The following B3GLCT variants were observed in gnomAD, a reference collection of about 807,000 sequenced individuals.
B3GLCT encodes beta-1,3-glucosyltransferase.
B3GLCT carries 65 observed loss-of-function variants against 63.4 expected under a neutral mutation model. The ratio of observed to expected loss-of-function variants is 1.03; its 90% CI spans 0.84 to 1.26. The LOEUF (loss-of-function observed/expected upper bound fraction) is 1.26, where lower values mean the gene tolerates loss of function less well. B3GLCT is among the 50% of genes most tolerant of loss of function. The probability of loss-of-function intolerance (pLI) is 0.00; values close to 1 mark genes in which losing one functional copy is unlikely to be tolerated. For missense variants in B3GLCT, 577 were observed against 604.8 expected, an observed-to-expected ratio of 0.95 and a Z score of 0.48; for synonymous variants, 233 against 219.2, an observed-to-expected ratio of 1.06 and a Z score of -0.55.
At chr13:31,295,699 C>A (rs1873901184) in intron 12 of B3GLCT, among the ~76,000 whole-genome samples, 1 of 152,230 alleles carries the variant, frequency 6.6e-6, no homozygotes, top group Non-Finnish European at 1.5e-5. Context: ...GGACTTCAGA[C>A]TGCTGTGCTG....
intron 4 of B3GLCT, among the ~76,000 whole-genome samples, chr13:31,245,274 C>A (rs1566059869): frequency 6.6e-6 from 1 of 151,982 alleles, no homozygotes; most frequent in Non-Finnish European, 1.5e-5. Flanking sequence ...TCAAAGGAAG[C>A]CTTTTCTCAG....
At chr13:31,205,927 C>T (rs1868927065) in intron 1 of B3GLCT, among the ~76,000 whole-genome samples, 2 of 152,124 alleles carry the variant, frequency 1.3e-5, no homozygotes, top group African/African-American at 4.8e-5. Context: ...TATAGCAGTG[C>T]CATTTCCTCC....
chr13:31,318,402 C>T (rs1325864207), intron 13 of B3GLCT, among the ~76,000 whole-genome samples: 1 of 152,136 alleles, frequency 6.6e-6, no homozygotes, highest in African/African-American at 2.4e-5. Context: ...ACCTTTAATT[C>T]CTACTTTGCA....
At chr13:31,222,162 T>C (rs1450190799) in intron 2 of B3GLCT, among the ~76,000 whole-genome samples, 2 of 144,932 alleles carry the variant, frequency 1.4e-5, no homozygotes, top group Non-Finnish European at 3.0e-5. Context: ...CACTGCAACC[T>C]CCGCCTCCTG....
In B3GLCT at chr13:31,324,493, G is replaced by C. The variant is rs549073018; in HGVS notation, c.1329+598G>C. Among the ~76,000 whole-genome samples the C allele has an allele frequency of 2.6e-5, 4 of 152,252 alleles. No individual in the cohort carries two copies. In the East Asian group the frequency reaches 7.7e-4, roughly 29 times the overall value. ...CTCCCCATATTGCAGTTTGGGGGTTGGAGAAGGAAATCCTCCTGCATTATG... is the reference window on the plus strand; with the variant it reads ...CTCCCCATATTGCAGTTTGGGGGTTCGAGAAGGAAATCCTCCTGCATTATG... On this transcript the variant is annotated intron_variant, in intron 14 of 14. Coordinates refer to ENST00000343307, the MANE Select transcript of B3GLCT (RefSeq NM_194318.4).
chr13:31,251,379 C>T (rs1284745806), intron 6 of B3GLCT, among the ~76,000 whole-genome samples: 2 of 152,096 alleles, frequency 1.3e-5, no homozygotes, highest in Non-Finnish European at 2.9e-5. Context: ...GACGAATTGA[C>T]AGAAGTAGGC....
In B3GLCT at chr13:31,218,254, A is replaced by G. The variant is rs1309637277; in HGVS notation, c.120+3154A>G. On this transcript the variant is annotated intron_variant, in intron 2 of 14. Transcript: ENST00000343307. ...ACCCAGGCTAGCATGCAGTGGCGTGATCTCAGCTCACTACAACCTCCGCCT... is the reference window on the plus strand; with the variant it reads ...ACCCAGGCTAGCATGCAGTGGCGTGGTCTCAGCTCACTACAACCTCCGCCT... Among the ~76,000 whole-genome samples the G allele has an allele frequency of 2.9e-5, 4 of 138,886 alleles. No individual in the cohort carries two copies. In the Admixed American group the frequency reaches 3.1e-4, roughly 11 times the overall value. The allele number at this position is 138,886 out of a possible 152,430, so 91.1% of individuals were successfully genotyped here.
At position 31,274,615 on chromosome 13, in the gene B3GLCT, T is replaced by G; in HGVS notation, c.767T>G (p.Phe256Cys). ...DFYCATTFHS[F>C]LPLCRKPVKK... ...TACTGTGCTACCACATTCCATTCTT[T>G]TCTACCGCTTTGTGTGAGTAACAGA... is the stretch of plus-strand genomic sequence containing the variant. Residue 256 changes from phenylalanine to cysteine, a missense_variant, in exon 9 of 15, where the codon TTT (phenylalanine) becomes TGT (cysteine). By Grantham distance (205) the Phe-to-Cys change is radical. Coordinates refer to ENST00000343307, the MANE Select transcript of B3GLCT (RefSeq NM_194318.4). 2 of 1,614,248 alleles carry G rather than the reference T, an allele frequency of 1.2e-6. No homozygotes were observed. Among genetic ancestry groups the G allele is most frequent in the Non-Finnish European group, 8.5e-7 (1 of 1,180,040 alleles).
At chr13:31,311,338 A>G (rs1008704244) in intron 12 of B3GLCT, 4 of 152,328 alleles carry the variant, frequency 2.6e-5, no homozygotes, top group Non-Finnish European at 5.9e-5. Flanking sequence ...GCTCAATTCT[A>G]AACTGGAGAA....
intron 7 of B3GLCT, among the ~76,000 whole-genome samples, chr13:31,264,351 C>T (rs895691482): frequency 3.3e-5 from 5 of 152,218 alleles, no homozygotes; most frequent in African/African-American, 9.6e-5. Context: ...AGTGAGGCAC[C>T]AGATAGCCTT....
intron 4 of B3GLCT, among the ~76,000 whole-genome samples, chr13:31,235,532 C>A (rs1266420372): frequency 6.6e-6 from 1 of 151,962 alleles, no homozygotes; most frequent in African/African-American, 2.4e-5. Flanking sequence ...GTCAAATTGC[C>A]ATCAGTAATG....
At chr13:31,264,335 T>C (rs1872188205) in intron 7 of B3GLCT, among the ~76,000 whole-genome samples, 1 of 152,154 alleles carries the variant, frequency 6.6e-6, no homozygotes, top group Admixed American at 6.5e-5. Context: ...TCCAGTATGA[T>C]AGAGGAGTGA....
intron 2 of B3GLCT, among the ~76,000 whole-genome samples, chr13:31,215,914 C>T (rs1389282116): frequency 1.3e-5 from 2 of 152,142 alleles, no homozygotes; most frequent in Non-Finnish European, 2.9e-5. Flanking sequence ...GGCCAGGGGA[C>T]TCGCAGAGAG....
chr13:31,329,742 C>A lies in B3GLCT; in HGVS notation c.*74C>A. ...TGTGGCCTCATCCCACTGTGCTGTGCTCACAACACTTGTGTCTGCCACATG... is the reference window on the plus strand; with the variant it reads ...TGTGGCCTCATCCCACTGTGCTGTGATCACAACACTTGTGTCTGCCACATG... On this transcript the variant is annotated 3_prime_UTR_variant, in exon 15 of 15. Coordinates refer to ENST00000343307, the MANE Select transcript of B3GLCT (RefSeq NM_194318.4). 2.0e-6 allele frequency: 3 copies of A among 1,503,548 alleles called. No individual in the cohort carries two copies. Among genetic ancestry groups the A allele is most frequent in the Non-Finnish European group, 2.8e-6 (3 of 1,085,652 alleles). 93.1% of individuals were successfully genotyped at this position (1,503,548 alleles called of 1,614,324 possible).
chr13:31,289,336 A>G (rs1873524265), intron 12 of B3GLCT, among the ~76,000 whole-genome samples: 1 of 152,162 alleles, frequency 6.6e-6, no homozygotes, highest in African/African-American at 2.4e-5. Context: ...GAAGGACATA[A>G]TTGATGAAAA....
At position 31,229,219 on chromosome 13, in the gene B3GLCT, A is replaced by G; in HGVS notation, c.195A>G (p.Gln65=). The change falls in exon 4 of 15, where the codon CAA becomes CAG. Residue 65 remains glutamine (Q), a synonymous_variant. Coordinates refer to ENST00000343307, the MANE Select transcript of B3GLCT (RefSeq NM_194318.4). ...GAATTGTATTCGTCATCCAGAGTCA[A>G]AGTAATTCTTTTCATGCAAAGAGAG... ...LKGIVFVIQS[Q]SNSFHAKRAE... is the part of the protein sequence containing the mutation. 6.2e-7 allele frequency: 1 copy of G among 1,613,132 alleles called. No individual in the cohort carries two copies. The highest frequency in any genetic ancestry group is 8.5e-7 in the Non-Finnish European group (1 of 1,179,068).
intron 1 of B3GLCT, among the ~76,000 whole-genome samples, chr13:31,213,620 C>CG (rs1869396711): frequency 1.6e-5 from 1 of 60,860 alleles, no homozygotes; most frequent in Non-Finnish European, 3.6e-5. Context: ...CCCCCCACCC[C>CG]ACCCCCCCCC....
chr13:31,328,471 A>G (rs1875744214), intron 14 of B3GLCT, among the ~76,000 whole-genome samples: 1 of 152,102 alleles, frequency 6.6e-6, no homozygotes, highest in Non-Finnish European at 1.5e-5. Flanking sequence ...AGGTAGGTGG[A>G]TCACCTGAGG....
chr13:31,309,877 C>T (rs1277542088), intron 12 of B3GLCT, among the ~76,000 whole-genome samples: 1 of 152,176 alleles, frequency 6.6e-6, no homozygotes, highest in East Asian at 1.9e-4. Context: ...CTTGGCCTCT[C>T]TGTGTAGTAT....
Sources: gnomAD v4.1 joint callset for allele counts (sites outside exome capture counted in the v4.1 genomes callset) on GRCh38, gnomAD v4.1.1 for gene constraint, MANE v1.5 for transcripts, NCBI Gene and HGNC (gene_info 2026-07-23, HGNC 2026-07-21) for gene names.